TCF25: variants seen among roughly 807,000 people sequenced by gnomAD.
TCF25 encodes ribosome quality control complex subunit TCF25.
Under a neutral mutation model 83.1 loss-of-function variants are expected in TCF25, and 41 were observed. The observed-to-expected ratio is 0.49, with a 90% confidence interval of 0.38 to 0.64. The LOEUF is 0.64. TCF25 is among the 30% of genes least tolerant of loss of function. The pLI is 0.00. For synonymous variants in TCF25, 458 were observed against 365.0 expected, an observed-to-expected ratio of 1.25 and a Z score of -2.90; for missense variants, 979 against 914.5, an observed-to-expected ratio of 1.07 and a Z score of -0.91.
intron 4 of TCF25, 68 bp downstream of exon 4, chr16:89,886,034 C>G: frequency 1.5e-6 from 2 of 1,336,054 alleles, no homozygotes; most frequent in South Asian, 2.4e-5. Flanking sequence ...CTGCCCTTCT[C>G]TGCGGCTGCC....
At chr16:89,904,354 G>A (rs2044598112) in intron 13 of TCF25, 149 bp downstream of exon 13, 4 of 849,516 alleles carry the variant, frequency 4.7e-6, no homozygotes, top group Non-Finnish European at 7.6e-6. Context: ...CATTTGACAT[G>A]GGACGGCTCT....
intron 9 of TCF25, among the ~76,000 whole-genome samples, chr16:89,896,556 T>TC (rs2043866701): frequency 6.8e-6 from 1 of 147,662 alleles, no homozygotes; most frequent in East Asian, 2.0e-4. Flanking sequence ...AGCATTTTTT[T>TC]TTTTTTTTTT....
At chr16:89,883,050 C>T (rs1346810438) in intron 1 of TCF25, among the ~76,000 whole-genome samples, 1 of 152,204 alleles carries the variant, frequency 6.6e-6, no homozygotes, top group Admixed American at 6.5e-5. Context: ...AGATGGTCCT[C>T]TGTAAATGGA....
intron 12 of TCF25, chr16:89,901,159 G>A (rs1284496670): frequency 1.0e-5 from 2 of 195,484 alleles, no homozygotes; most frequent in Non-Finnish European, 2.2e-5. Flanking sequence ...AGAGGGTTGT[G>A]CTCTGCACCA....
Position 89,906,255 on chromosome 16 carries a change from A to G in TCF25, c.1690A>G (p.Ile564Val). 2.5e-6 allele frequency: 4 copies of G among 1,613,258 alleles called. No individual in the cohort carries two copies. Among genetic ancestry groups the G allele is most frequent in the Non-Finnish European group, 3.4e-6 (4 of 1,179,966 alleles). Residue 564 changes from isoleucine to valine, a missense_variant, in exon 15 of 18, where the codon ATC (isoleucine) becomes GTC (valine). Physicochemically the swap from Ile to Val is conservative, Grantham distance 29 (BLOSUM62 3). Transcript: ENST00000263346. ...NIHRHVILSE[I>V]KEAVAALPPD... ...CCACCGCCATGTGATCCTCTCTGAG[A>G]TCAAGGAAGCCGTCGCTGCCCTGCC...
In TCF25 at chr16:89,898,424, G is replaced by T. The variant is rs370937816; in HGVS notation, c.1023-133G>T. On this transcript the variant is annotated intron_variant, in intron 9 of 17. Coordinates refer to ENST00000263346, the MANE Select transcript of TCF25 (RefSeq NM_014972.3). The stretch of plus-strand genomic sequence containing the variant: ...TGTTGACTGGGGCGCTGAGCAGTGT[G>T]TGGGGTGGAATGGGTGGTACTGGCC... 1,232 of 805,542 alleles carry T rather than the reference G, an allele frequency of 1.5e-3. 25 individuals carry two copies. Among genetic ancestry groups the T allele is most frequent in the South Asian group, 9.8e-3 (650 of 66,522 alleles). The allele number at this position is 805,542 out of a possible 1,614,324, so 49.9% of individuals were successfully genotyped here.
intron 3 of TCF25, among the ~76,000 whole-genome samples, chr16:89,885,330 G>A (rs998598166): frequency 1.3e-5 from 2 of 152,218 alleles, no homozygotes; most frequent in African/African-American, 2.4e-5. Flanking sequence ...TGTGTGATCT[G>A]ATGGGGACAT....
chr16:89,905,124 C>T (rs372603591), intron 14 of TCF25, 28 bp downstream of exon 14: 19 of 1,543,196 alleles, frequency 1.2e-5, no homozygotes, highest in Non-Finnish European at 1.7e-5. Context: ...ACAAGCCCTG[C>T]CACGCCCCCT....
intron 7 of TCF25, 62 bp downstream of exon 7, chr16:89,893,920 C>A: frequency 6.5e-7 from 1 of 1,544,496 alleles, no homozygotes; most frequent in Admixed American, 2.0e-5. Context: ...TGCCCTGGGC[C>A]GCCTGCTTCC....
chr16:89,895,473 TG>T (rs2144141682), intron 8 of TCF25, among the ~76,000 whole-genome samples: 1 of 152,322 alleles, frequency 6.6e-6, no homozygotes, highest in Admixed American at 6.5e-5. Flanking sequence ...CCCAAAGTGC[TG>T]GGATTACAGG....
At chr16:89,895,195 G>T in intron 8 of TCF25, 58 bp downstream of exon 8, 1 of 1,495,086 alleles carries the variant, frequency 6.7e-7, no homozygotes, top group East Asian at 2.3e-5. Flanking sequence ...AAGCTATCAA[G>T]ACAGATGCGA....
rs1023462901 is a variant in TCF25, at chr16:89,873,812, G to A, written c.145G>A (p.Gly49Arg). The A allele has an allele frequency of 1.4e-5, 23 of 1,594,044 alleles. No individual in the cohort carries two copies. The highest frequency in any genetic ancestry group is 2.0e-5 in the Non-Finnish European group (23 of 1,172,288). ...GCGGGAGCTTGGTGTCCGGCGTCCC[G>A]GGGGCGCAGGGAAGGAGGGCGTCCG... ...PKRELGVRRPGGAGKEGVRVN... is the reference protein window; with the variant it reads ...PKRELGVRRPRGAGKEGVRVN... Residue 49 changes from glycine (G) to arginine (R), a missense_variant, in exon 1 of 18, where the codon GGG (glycine) becomes AGG (arginine). Coordinates refer to ENST00000263346, the MANE Select transcript of TCF25 (RefSeq NM_014972.3).
intron 1 of TCF25, chr16:89,878,718 G>A: frequency 1.1e-6 from 1 of 929,974 alleles, no homozygotes; most frequent in East Asian, 1.1e-4. Context: ...TCAGCTCACT[G>A]CAAGCTCTGC....
chr16:89,875,922 C>T (rs1485356310), intron 1 of TCF25, among the ~76,000 whole-genome samples: 2 of 149,366 alleles, frequency 1.3e-5, no homozygotes, highest in African/African-American at 5.0e-5. Context: ...GGTTATCCTC[C>T]TGCCTCAGCC....
chr16:89,911,254 A>G lies in TCF25; in HGVS notation c.*16A>G. The G allele has an allele frequency of 6.2e-7, 1 of 1,611,108 alleles. No individual in the cohort carries two copies. The highest frequency in any genetic ancestry group is 1.7e-4 in the Middle Eastern group (1 of 5,754). Reference sequence around the variant, plus strand: ...GTGGGACTGAGCGTCCGCAGAGGTGACCGAAAAGCCGTATGATGATGTTCC... The same window carrying G: ...GTGGGACTGAGCGTCCGCAGAGGTGGCCGAAAAGCCGTATGATGATGTTCC... On this transcript the variant is annotated 3_prime_UTR_variant, in exon 18 of 18. Transcript: ENST00000263346.
intron 16 of TCF25, 24 bp from the exon 17 acceptor site, chr16:89,910,567 T>C: frequency 6.2e-7 from 1 of 1,612,412 alleles, no homozygotes. Context: ...GTGTCGTTTC[T>C]GACTTTTCTT....
At chr16:89,905,431 G>A (rs1052572978) in intron 14 of TCF25, among the ~76,000 whole-genome samples, 5 of 152,226 alleles carry the variant, frequency 3.3e-5, no homozygotes, top group African/African-American at 1.2e-4. Flanking sequence ...AAAGAAATCT[G>A]GCAGAGACGA....
intron 14 of TCF25, 155 bp from the exon 15 acceptor site, chr16:89,906,039 G>A: frequency 3.0e-6 from 2 of 672,486 alleles, no homozygotes; most frequent in Non-Finnish European, 5.1e-6. Context: ...CAGCCATGGT[G>A]CCTCTGCTCG....
chr16:89,902,715 G>A lies in TCF25; in HGVS notation c.1382-1403G>A, dbSNP rs1019025206. 8.7e-5 allele frequency among the ~76,000 whole-genome samples: 13 copies of A among 149,188 alleles called. 1 individual carries two copies. The highest frequency in any genetic ancestry group is 4.2e-4 in the South Asian group (2 of 4,726). On this transcript the variant is annotated intron_variant, in intron 12 of 17. Transcript: ENST00000263346. ...AAAAAAAAGAAAAAAAAAAAAAGAC[G>A]GGCCTCCTCCGAGGGGCTGTGAGGG...
Sources: gnomAD v4.1 joint callset for allele counts (sites outside exome capture counted in the v4.1 genomes callset) on GRCh38, gnomAD v4.1.1 for gene constraint, MANE v1.5 for transcripts, NCBI Gene and HGNC (gene_info 2026-07-23, HGNC 2026-07-21) for gene names.